The following SNX29 variants were observed in gnomAD, a reference collection of about 807,000 sequenced individuals.
The protein encoded by SNX29 is sorting nexin 29, also known as sorting nexin-29.
A neutral mutation model predicts 102.1 loss-of-function variants in SNX29; 78 were observed. The observed-to-expected ratio is 0.76, with a 90% CI of 0.64 to 0.92. The LOEUF is 0.92. SNX29 is among the 40% of genes least tolerant of loss of function. The pLI is 0.00. For synonymous variants in SNX29, 580 were observed against 414.5 expected (o/e 1.40, Z -4.85); for missense variants, 1,280 against 1,061.7 (o/e 1.21, Z -2.86).
chr16:12,343,017 G>C (rs1366210469), intron 15 of SNX29, among the ~76,000 whole-genome samples: 1 of 152,194 alleles, frequency 6.6e-6, no homozygotes, highest in Non-Finnish European at 1.5e-5. Flanking sequence ...ACAACATTTT[G>C]ATGCTCATAA....
chr16:12,236,536 G>A (rs1337763209), intron 14 of SNX29, among the ~76,000 whole-genome samples: 1 of 152,166 alleles, frequency 6.6e-6, no homozygotes, highest in Non-Finnish European at 1.5e-5. Flanking sequence ...CATCCCTGAA[G>A]ACTTAGTTCG....
At chr16:12,565,129 A>C (rs548246131) in intron 20 of SNX29, among the ~76,000 whole-genome samples, 1 of 137,708 alleles carries the variant, frequency 7.3e-6, no homozygotes, top group Admixed American at 7.0e-5. Flanking sequence ...TCTTATCCAC[A>C]TTAGCCCCCA....
chr16:12,326,669 G>A (rs2081130102), intron 15 of SNX29, among the ~76,000 whole-genome samples: 1 of 152,174 alleles, frequency 6.6e-6, no homozygotes. Flanking sequence ...CTGGAATCTG[G>A]TGACCTAGGT....
chr16:12,311,259 G>A (rs1341150990), intron 15 of SNX29, among the ~76,000 whole-genome samples: 2 of 152,070 alleles, frequency 1.3e-5, no homozygotes, highest in African/African-American at 4.8e-5. Context: ...CTCTCCCAGA[G>A]CTTGCTGGAT....
At chr16:12,325,107 T>C (rs1018265651) in intron 15 of SNX29, among the ~76,000 whole-genome samples, 1 of 152,176 alleles carries the variant, frequency 6.6e-6, no homozygotes, top group Non-Finnish European at 1.5e-5. Context: ...TGCAAAATTT[T>C]GCCCTTCGCT....
chr16:12,306,398 C>T (rs924423913), intron 15 of SNX29, among the ~76,000 whole-genome samples: 1 of 151,780 alleles, frequency 6.6e-6, no homozygotes, highest in Non-Finnish European at 1.5e-5. Context: ...GTTAAGGCCA[C>T]AGAGAGAACA....
At chr16:12,238,685 C>A (rs2078012050) in intron 14 of SNX29, among the ~76,000 whole-genome samples, 1 of 152,172 alleles carries the variant, frequency 6.6e-6, no homozygotes, top group Non-Finnish European at 1.5e-5. Flanking sequence ...GCAAACCATG[C>A]CAATAATAGT....
At chr16:12,150,069 G>A (rs940157123) in intron 13 of SNX29, among the ~76,000 whole-genome samples, 3 of 152,152 alleles carry the variant, frequency 2.0e-5, no homozygotes, top group Non-Finnish European at 4.4e-5. Context: ...GATTCCCAAG[G>A]TCCCAATGAG....
intron 14 of SNX29, among the ~76,000 whole-genome samples, chr16:12,272,489 C>T (rs915888510): frequency 6.6e-6 from 1 of 152,208 alleles, no homozygotes; most frequent in African/African-American, 2.4e-5. Flanking sequence ...CGGTGCCTGC[C>T]AAGGTATCTG....
intron 15 of SNX29, among the ~76,000 whole-genome samples, chr16:12,322,686 C>T (rs368167849): frequency 4.0e-5 from 6 of 151,820 alleles, no homozygotes; most frequent in Non-Finnish European, 7.4e-5. Context: ...CATTAGGACG[C>T]GGTCGCTGGG....
At chr16:12,165,390 C>G (rs2055974916) in intron 13 of SNX29, among the ~76,000 whole-genome samples, 1 of 152,138 alleles carries the variant, frequency 6.6e-6, no homozygotes, top group South Asian at 2.1e-4. Context: ...ACCTGCTTGT[C>G]AATTTTTGTC....
chr16:12,156,424 G>A (rs557176470), intron 13 of SNX29, among the ~76,000 whole-genome samples: 1 of 152,314 alleles, frequency 6.6e-6, no homozygotes, highest in South Asian at 2.1e-4. Flanking sequence ...GCCCACCTCA[G>A]CCTCCCAAAG....
In SNX29 at chr16:12,087,491, G is replaced by T. The variant is rs374072605; in HGVS notation, c.1402+8576G>T. The T allele has an allele frequency of 1.3e-4, 31 of 235,944 alleles. 1 individual carries two copies. The highest frequency in any genetic ancestry group is 3.3e-3 in the Middle Eastern group (2 of 598). The allele number at this position is 235,944 out of a possible 1,614,324, so 14.6% of individuals were successfully genotyped here. A position where few individuals can be genotyped will look rare whatever the true frequency, so the allele number is the denominator to read the frequency against. On this transcript the variant is annotated intron_variant, in intron 11 of 20. Transcript: ENST00000566228. ...ACATGTCTGTGGACTCAGCTTCTTG[G>T]GAGAATGAGGCAGGAGGATTGCTTG...
intron 1 of SNX29, among the ~76,000 whole-genome samples, chr16:11,991,887 G>T (rs2055869085): frequency 6.6e-6 from 1 of 151,952 alleles, no homozygotes; most frequent in African/African-American, 2.4e-5. Context: ...TTCAATATGG[G>T]GACTGGGTTC....
intron 13 of SNX29, among the ~76,000 whole-genome samples, chr16:12,192,699 C>CATTT (rs887667598): frequency 7.7e-4 from 116 of 151,610 alleles, no homozygotes; most frequent in East Asian, 5.1e-3. Context: ...AATTTTATTT[C>CATTT]ATTTATTTAT....
intron 18 of SNX29, among the ~76,000 whole-genome samples, chr16:12,421,907 C>G (rs796779673): frequency 1.4e-5 from 1 of 71,362 alleles, no homozygotes; most frequent in African/African-American, 3.0e-5. Flanking sequence ...ATCACCATCA[C>G]CAGCCGTCCA....
intron 18 of SNX29, among the ~76,000 whole-genome samples, chr16:12,460,615 A>G (rs1248521627): frequency 6.6e-6 from 1 of 150,500 alleles, no homozygotes. Context: ...CCACTGGACT[A>G]TAACTTTTTG....
chr16:12,218,013 A>G (rs951239124), intron 14 of SNX29, among the ~76,000 whole-genome samples: 2 of 152,132 alleles, frequency 1.3e-5, no homozygotes, highest in African/African-American at 2.4e-5. Context: ...TTTGGGGACA[A>G]TTTTTAGCTG....
chr16:12,441,472 T>C (rs77597405), intron 18 of SNX29, among the ~76,000 whole-genome samples: 103 of 152,350 alleles, frequency 6.8e-4, no homozygotes, highest in African/African-American at 2.1e-3. Context: ...CTGATGGCCA[T>C]TTGGGTTGTT....
Sources: gnomAD v4.1 joint callset for allele counts (sites outside exome capture counted in the v4.1 genomes callset) on GRCh38, gnomAD v4.1.1 for gene constraint, MANE v1.5 for transcripts, NCBI Gene and HGNC (gene_info 2026-07-23, HGNC 2026-07-21) for gene names.